AGAP1: variants seen among roughly 807,000 people sequenced by gnomAD.
AGAP1 encodes the protein ArfGAP with GTPase domain, ankyrin repeat and PH domain 1.
AGAP1 carries 29 observed loss-of-function variants against 105.3 expected under a neutral mutation model. That is an observed-to-expected ratio of 0.28 (90% confidence interval 0.21 to 0.38). The LOEUF (loss-of-function observed/expected upper bound fraction) is 0.38, where lower values mean the gene tolerates loss of function less well. Among genes scored for constraint, AGAP1 ranks in the 10% least tolerant of loss-of-function variants. The pLI is 1.00. For missense variants in AGAP1, 998 were observed against 1,165.1 expected (o/e 0.86, Z 2.09); for synonymous variants, 509 against 485.9 (o/e 1.05, Z -0.63).
rs760928524 is a variant in AGAP1 at position 236,120,476 on chromosome 2, C to T, written c.2370+29C>T. On this transcript the variant is annotated intron_variant, in intron 17 of 17. Coordinates refer to ENST00000304032, the MANE Select transcript of AGAP1 (RefSeq NM_001037131.3). The surrounding 1 kb of genome is among the most constrained non-coding windows in gnomAD (Gnocchi z 6.0). ...GGTGGTCGGCACGCCTGGCAGAGGA[C>T]GGGGCCACAGGAGGCACTCTCTGCT... The T allele has an allele frequency of 9.3e-6, 15 of 1,609,884 alleles. No homozygotes were observed. The highest frequency in any genetic ancestry group is 3.3e-5 in the Admixed American group (2 of 59,958).
intron 13 of AGAP1, among the ~76,000 whole-genome samples, chr2:236,024,727 G>A (rs1211558808): frequency 6.6e-6 from 1 of 152,194 alleles, no homozygotes; most frequent in Non-Finnish European, 1.5e-5. Context: ...TGAGTTTCTT[G>A]CCCCTAAGGA....
rs1946038305 is a variant in AGAP1, at chr2:235,608,923, T to A, written c.164-100256T>A. On this transcript the variant is annotated intron_variant, in intron 1 of 17. Coordinates refer to ENST00000304032, the MANE Select transcript of AGAP1 (RefSeq NM_001037131.3). This position sits in a 1 kb window ranked among gnomAD's most constrained non-coding sequence, Gnocchi z 5.4. The stretch of plus-strand genomic sequence containing the variant: ...CAGCTTGTTCTTGACTTCCCCCCCA[T>A]CCCTAATACCCCCAACTATGCAAAT... Among the ~76,000 whole-genome samples, 1 of 151,264 alleles carries A rather than the reference T, an allele frequency of 6.6e-6. No individual in the cohort carries two copies. The highest frequency in any genetic ancestry group is 2.1e-4 in the South Asian group (1 of 4,772).
At chr2:235,946,757 G>A (rs2053519425) in intron 12 of AGAP1, among the ~76,000 whole-genome samples, 1 of 152,098 alleles carries the variant, frequency 6.6e-6, no homozygotes, top group African/African-American at 2.4e-5. Flanking sequence ...AGGCGTCATT[G>A]TTCTAAGAAC....
In AGAP1 at chr2:235,655,039, A is replaced by G. The variant is rs1211917911; in HGVS notation, c.164-54140A>G. Among the ~76,000 whole-genome samples the G allele has an allele frequency of 3.3e-5, 5 of 152,056 alleles. No homozygotes were observed. Among genetic ancestry groups the G allele is most frequent in the Non-Finnish European group, 5.9e-5 (4 of 68,028 alleles). On this transcript the variant is annotated intron_variant, in intron 1 of 17. Transcript: ENST00000304032. The surrounding 1 kb of genome is among the most constrained non-coding windows in gnomAD (Gnocchi z 4.3). ...TTAAACAAAGCTCTTTCATGAATAA[A>G]GAATATTAATTACTATATCCAGAAT...
At chr2:235,675,239 G>A (rs1289767973) in intron 1 of AGAP1, among the ~76,000 whole-genome samples, 2 of 149,218 alleles carry the variant, frequency 1.3e-5, no homozygotes, top group African/African-American at 5.0e-5. Flanking sequence ...GCCCAGGCTG[G>A]AGTGCAGTGG....
chr2:235,671,394 G>A (rs1414736984), intron 1 of AGAP1, among the ~76,000 whole-genome samples: 2 of 152,176 alleles, frequency 1.3e-5, no homozygotes, highest in African/African-American at 4.8e-5. Flanking sequence ...GGCTGCCCGC[G>A]ACACCTGTGG....
intron 1 of AGAP1, among the ~76,000 whole-genome samples, chr2:235,542,615 T>TA (rs1943483644): frequency 6.6e-6 from 1 of 151,258 alleles, no homozygotes; most frequent in African/African-American, 2.5e-5. Flanking sequence ...AACAAAATGA[T>TA]ACATATTTTA....
chr2:235,794,948 A>G (rs988475622), intron 6 of AGAP1, among the ~76,000 whole-genome samples: 5 of 152,338 alleles, frequency 3.3e-5, no homozygotes, highest in Non-Finnish European at 5.9e-5. Context: ...CAAAAACTCA[A>G]TGGTTATAAA....
At chr2:235,940,801 A>G (rs2053225019) in intron 12 of AGAP1, among the ~76,000 whole-genome samples, 1 of 152,128 alleles carries the variant, frequency 6.6e-6, no homozygotes, top group Non-Finnish European at 1.5e-5. Flanking sequence ...ACTCCACCAC[A>G]GAGAGGGGCT....
At chr2:235,667,696 C>T (rs933531315) in intron 1 of AGAP1, among the ~76,000 whole-genome samples, 1 of 152,170 alleles carries the variant, frequency 6.6e-6, no homozygotes, top group East Asian at 1.9e-4. Context: ...CGTGGTGGCT[C>T]ACGCCTGTAA....
intron 11 of AGAP1, among the ~76,000 whole-genome samples, chr2:235,915,305 G>A (rs1438384596): frequency 6.6e-6 from 1 of 152,192 alleles, no homozygotes. Flanking sequence ...GAATTTAAAA[G>A]GAAATTATAA....
In AGAP1 at chr2:235,888,184, A is replaced by G. The variant is rs148549075; in HGVS notation, c.1155+4735A>G. On this transcript the variant is annotated intron_variant, in intron 10 of 17. Transcript: ENST00000304032. The surrounding 1 kb of genome is among the most constrained non-coding windows in gnomAD (Gnocchi z 4.8). ...AGTCAAGTTTAAACGGAATAGGCCA[A>G]TGTGGTTATGGGCAGGGGGCGGGGG... 0.014 allele frequency among the ~76,000 whole-genome samples: 2,061 copies of G among 152,184 alleles called. 50 individuals are homozygous for G. The highest frequency in any genetic ancestry group is 0.046 in the African/African-American group (1,928 of 41,510).
Position 235,883,841 on chromosome 2 carries a change from G to A in AGAP1, c.1155+392G>A, listed in dbSNP as rs539833843. On this transcript the variant is annotated intron_variant, in intron 10 of 17. Transcript: ENST00000304032. The surrounding 1 kb of genome is among the most constrained non-coding windows in gnomAD (Gnocchi z 4.5). ...CCAGGATTTAGCTTTGAAAAGCTGT[G>A]AACAATAATCAGAAGTCAAATGCAA... Among the ~76,000 whole-genome samples the A allele has an allele frequency of 5.3e-5, 8 of 152,312 alleles. No homozygotes were observed. Among genetic ancestry groups the A allele is most frequent in the South Asian group, 4.1e-4 (2 of 4,824 alleles).
At chr2:235,966,544 A>G (rs2054407118) in intron 12 of AGAP1, among the ~76,000 whole-genome samples, 1 of 152,100 alleles carries the variant, frequency 6.6e-6, no homozygotes, top group Non-Finnish European at 1.5e-5. Context: ...CCTGCCTGGT[A>G]GAGGGAAAGT....
rs956998568 is a variant in AGAP1, at chr2:235,736,635, G to A, written c.311-4328G>A. On this transcript the variant is annotated intron_variant, in intron 3 of 17. Coordinates refer to ENST00000304032, the MANE Select transcript of AGAP1 (RefSeq NM_001037131.3). This position sits in a 1 kb window ranked among gnomAD's most constrained non-coding sequence, Gnocchi z 5.5. ...TTTGGGAGGCTGAGGCAGGTAGACC[G>A]CTTGAGCCCAGGAGTTCGAGACCAG... is the stretch of plus-strand genomic sequence containing the variant. Among the ~76,000 whole-genome samples, 7 of 152,130 alleles carry A rather than the reference G, an allele frequency of 4.6e-5. No homozygotes were observed. Among genetic ancestry groups the A allele is most frequent in the African/African-American group, 1.7e-4 (7 of 41,434 alleles).
At chr2:235,595,469 G>A (rs1945495935) in intron 1 of AGAP1, among the ~76,000 whole-genome samples, 1 of 152,184 alleles carries the variant, frequency 6.6e-6, no homozygotes, top group South Asian at 2.1e-4. Flanking sequence ...GCCTGCTCCT[G>A]TGTTTTTGTT....
rs1260965625 is a variant in AGAP1 at position 235,801,522 on chromosome 2, ACAG to A, written c.957+2007_957+2009del. On this transcript the variant is annotated intron_variant, in intron 8 of 17. Coordinates refer to ENST00000304032, the MANE Select transcript of AGAP1 (RefSeq NM_001037131.3). The surrounding 1 kb of genome is among the most constrained non-coding windows in gnomAD (Gnocchi z 6.0). ...GGCAGTTTCTTCACACACACCGAGA[ACAG>A]CAGCAGTCACCTAAATAGCTGCTTC... Among the ~76,000 whole-genome samples, 2 of 152,130 alleles carry A rather than the reference ACAG, an allele frequency of 1.3e-5. No individual in the cohort carries two copies. The highest frequency in any genetic ancestry group is 2.9e-5 in the Non-Finnish European group (2 of 68,034).
At chr2:235,890,680 G>A (rs1386386437) in intron 10 of AGAP1, among the ~76,000 whole-genome samples, 6 of 152,154 alleles carry the variant, frequency 3.9e-5, no homozygotes, top group Admixed American at 6.5e-5. Context: ...GGCTACATCC[G>A]TTCTAGTGGG....
rs75379813 is a variant in AGAP1 at position 235,616,595 on chromosome 2, A to G, written c.164-92584A>G. 2.3e-3 allele frequency among the ~76,000 whole-genome samples: 355 copies of G among 152,274 alleles called. 2 individuals carry two copies. The highest frequency in any genetic ancestry group is 8.2e-3 in the African/African-American group (340 of 41,548). The stretch of plus-strand genomic sequence containing the variant: ...TTTCTGCCTATCTTCTTTTAACCCT[A>G]GATTGATTAAACTCGTTAAATAAAA... On this transcript the variant is annotated intron_variant, in intron 1 of 17. Transcript: ENST00000304032.
Sources: gnomAD v4.1 joint callset for allele counts (sites outside exome capture counted in the v4.1 genomes callset) on GRCh38, gnomAD v4.1.1 for gene constraint, Gnocchi (gnomAD v3.1) non-coding constraint, MANE v1.5 for transcripts, NCBI Gene and HGNC (gene_info 2026-07-23, HGNC 2026-07-21) for gene names.